The following DIABLO variants were observed in gnomAD, a reference collection of about 807,000 sequenced individuals.
DIABLO encodes diablo homolog, mitochondrial.
In DIABLO, 32 loss-of-function variants were observed where a neutral mutation model predicts 31.7. That is an observed-to-expected ratio of 1.01 (90% CI 0.76 to 1.35). DIABLO has a LOEUF of 1.35. DIABLO is among the 40% of genes most tolerant of loss of function. The pLI, the probability that DIABLO is intolerant of heterozygous loss-of-function variation, is 0.00. For synonymous variants in DIABLO, 132 were observed against 103.2 expected, an observed-to-expected ratio of 1.28 and a Z score of -1.69; for missense variants, 316 against 286.4, an observed-to-expected ratio of 1.10 and a Z score of -0.75.
intron 5 of DIABLO, among the ~76,000 whole-genome samples, chr12:122,209,493 G>A (rs1204906643): frequency 1.3e-5 from 2 of 152,072 alleles, no homozygotes; most frequent in South Asian, 2.1e-4. Flanking sequence ...GTGAAACCCC[G>A]TTTCTACTAA....
chr12:122,209,677 A>G (rs1196450083), intron 5 of DIABLO: 3 of 685,244 alleles, frequency 4.4e-6, no homozygotes, highest in Non-Finnish European at 8.0e-6. Flanking sequence ...CAAAAAAAAA[A>G]ATGAGCTCTC....
rs1388492942 is a variant in DIABLO at position 122,208,356 on chromosome 12, G to A, written c.*25C>T. ...GCCCCTGCTTTCCCCACTGAGTGGG[G>A]AGACAGGGCAGTGTGCTCAGGCCCT... is the stretch of plus-strand genomic sequence containing the variant. On this transcript the variant is annotated 3_prime_UTR_variant, in exon 6 of 6. Coordinates refer to ENST00000464942, the MANE Select transcript of DIABLO (RefSeq NM_001371333.1). The A allele has an allele frequency of 6.2e-7, 1 of 1,610,378 alleles. No individual in the cohort carries two copies. The highest frequency in any genetic ancestry group is 1.1e-5 in the South Asian group (1 of 90,984).
intron 1 of DIABLO, chr12:122,225,722 C>A: frequency 7.0e-7 from 1 of 1,422,564 alleles, no homozygotes; most frequent in Admixed American, 2.9e-5. Flanking sequence ...CCCAAGAAGG[C>A]AGCCCGGGGT....
Position 122,218,408 on chromosome 12 carries a change from C to T in DIABLO, c.184-11G>A. 1 of 1,613,974 alleles carries T rather than the reference C, an allele frequency of 6.2e-7. No homozygotes were observed. Among genetic ancestry groups the T allele is most frequent in the Non-Finnish European group, 8.5e-7 (1 of 1,179,984 alleles). ...ATGAGGCTCTGATTTCTGAAAGACACAAACATTGTCACTCAACCTCTAAAG... is the reference window on the plus strand; with the variant it reads ...ATGAGGCTCTGATTTCTGAAAGACATAAACATTGTCACTCAACCTCTAAAG... On this transcript the variant is annotated splice_polypyrimidine_tract_variant and intron_variant, in intron 2 of 5. Transcript: ENST00000464942.
rs561428677 is a variant in DIABLO, at chr12:122,219,819, C to T, written c.184-1422G>A. 4.0e-5 allele frequency among the ~76,000 whole-genome samples: 6 copies of T among 148,886 alleles called. No homozygotes were observed. The South Asian group carries it at 8.8e-4, about 22-fold the overall frequency. ...TGGAGGTTGCAGTGAGAGCCAAGATCGTGCCACTTCACTCCAGCCTGGGCG... is the reference window on the plus strand; with the variant it reads ...TGGAGGTTGCAGTGAGAGCCAAGATTGTGCCACTTCACTCCAGCCTGGGCG... On this transcript the variant is annotated intron_variant, in intron 2 of 5. Transcript: ENST00000464942.
intron 2 of DIABLO, among the ~76,000 whole-genome samples, chr12:122,220,121 T>C (rs1171993583): frequency 1.3e-5 from 2 of 151,708 alleles, no homozygotes; most frequent in African/African-American, 4.8e-5. Flanking sequence ...TTTTTTGGTA[T>C]ATTTAGTAGA....
chr12:122,226,941 T>C (rs1349031849), upstream of DIABLO, among the ~76,000 whole-genome samples: 1 of 152,216 alleles, frequency 6.6e-6, no homozygotes, highest in Non-Finnish European at 1.5e-5. Flanking sequence ...TCACTCAAGC[T>C]GCAGCCCCAG....
intron 2 of DIABLO, among the ~76,000 whole-genome samples, chr12:122,223,366 G>A (rs1292184137): frequency 1.3e-5 from 2 of 151,766 alleles, no homozygotes; most frequent in African/African-American, 2.4e-5. Flanking sequence ...CCTGGGAGGC[G>A]GAGGTTGCAG....
At chr12:122,215,519 A>ACTTGAACCC (rs1954188890) in intron 5 of DIABLO, among the ~76,000 whole-genome samples, 1 of 152,050 alleles carries the variant, frequency 6.6e-6, no homozygotes. Flanking sequence ...CAGGAGAATC[A>ACTTGAACCC]CTTGAACCCA....
At chr12:122,226,210 C>A, upstream of DIABLO, 1 of 886,156 alleles carries the variant, frequency 1.1e-6, no homozygotes, top group Non-Finnish European at 1.8e-6. Flanking sequence ...GCAAGGCAAC[C>A]AACCGCCGGA....
rs372359201 is a variant in DIABLO at position 122,209,515 on chromosome 12, AG to A, written c.524-939del. ...CCCGTTTCTACTAAAATACAAAAAA[AG>A]TAGCTGGGTGTGGCAGAGTGCACCT... On this transcript the variant is annotated intron_variant, in intron 5 of 5. Coordinates refer to ENST00000464942, the MANE Select transcript of DIABLO (RefSeq NM_001371333.1). 3.4e-3 allele frequency among the ~76,000 whole-genome samples: 518 copies of A among 152,214 alleles called. 2 individuals carry two copies. The highest frequency in any genetic ancestry group is 0.012 in the African/African-American group (487 of 41,526).
At position 122,224,634 on chromosome 12, in the gene DIABLO, ACTGT is replaced by A. The variant is rs1593183150; in HGVS notation, c.57_60del (p.Arg19SerfsTer19). ...TTAGCCACAACAGGAACACACAAACACTGTCTGTACCTGGAAGTAGAAGTCAGAT... is the reference window on the plus strand; with the variant it reads ...TTAGCCACAACAGGAACACACAAACACTGTACCTGGAAGTAGAAGTCAGAT... On this transcript the variant is annotated frameshift_variant, in exon 2 of 6. Transcript: ENST00000464942. LOFTEE classifies it high-confidence loss of function. 2 of 1,614,182 alleles carry A rather than the reference ACTGT, an allele frequency of 1.2e-6. No homozygotes were observed. Among genetic ancestry groups the A allele is most frequent in the African/African-American group, 1.3e-5 (1 of 75,036 alleles).
At position 122,208,555 on chromosome 12, in the gene DIABLO, G is replaced by C. The variant is rs149387774; in HGVS notation, c.546C>G (p.Thr182=). 6 of 1,613,534 alleles carry C rather than the reference G, an allele frequency of 3.7e-6. No individual in the cohort carries two copies. The highest frequency in any genetic ancestry group is 5.1e-6 in the Non-Finnish European group (6 of 1,180,032). The change falls in exon 6 of 6, where the codon ACC becomes ACG. Residue 182 remains threonine (T), a synonymous_variant. Transcript: ENST00000464942. ...TCACCAGCTGAATGTGATTCCTGGC[G>C]GTTATAGAGGCCTGATCTGCGCCTG... The part of the protein sequence containing the change: ...YQTGADQASI[T]ARNHIQLVKL...
At chr12:122,218,180 C>G in intron 3 of DIABLO, 86 bp downstream of exon 3, 1 of 1,492,646 alleles carries the variant, frequency 6.7e-7, no homozygotes. Flanking sequence ...AATCAAATAC[C>G]AACATGGGTA....
At chr12:122,208,674 C>T (rs1408052663) in intron 5 of DIABLO, 97 bp from the exon 6 acceptor site, 2 of 1,276,364 alleles carry the variant, frequency 1.6e-6, no homozygotes, top group East Asian at 2.5e-5. Flanking sequence ...TCATCTGAAC[C>T]CCTCTTGGGG....
At chr12:122,212,627 TTTTG>T (rs1399754523) in intron 5 of DIABLO, among the ~76,000 whole-genome samples, 1 of 122,604 alleles carries the variant, frequency 8.2e-6, no homozygotes, top group African/African-American at 3.7e-5. Flanking sequence ...ATTTATTTAT[TTTTG>T]TTTTTTTTTT....
chr12:122,214,958 GC>G (rs1045998878), intron 5 of DIABLO, among the ~76,000 whole-genome samples: 2 of 152,070 alleles, frequency 1.3e-5, no homozygotes, highest in Admixed American at 6.5e-5. Context: ...GCCCTCCTTG[GC>G]CCCCCAAAGT....
chr12:122,224,613 C>G lies in DIABLO; in HGVS notation c.82G>C (p.Ala28Pro). The G allele has an allele frequency of 6.2e-7, 1 of 1,614,096 alleles. No individual in the cohort carries two copies. The highest frequency in any genetic ancestry group is 8.5e-7 in the Non-Finnish European group (1 of 1,180,022). Residue 28 changes from alanine (A) to proline (P), a missense_variant, in exon 2 of 6, where the codon GCT (alanine) becomes CCT (proline). Ala to Pro is a conservative substitution (Grantham distance 27). Transcript: ENST00000464942. Reference sequence around the variant, plus strand: ...GAGAAACACCGCTTCTTAAAGTTAGCCACAACAGGAACACACAAACACTGT... The same window carrying G: ...GAGAAACACCGCTTCTTAAAGTTAGGCACAACAGGAACACACAAACACTGT... ...YRQCLCVPVV[A>P]NFKKRCFSEL... is the part of the protein sequence containing the mutation.
At chr12:122,211,127 C>CAGTG (rs1954079480) in intron 5 of DIABLO, among the ~76,000 whole-genome samples, 1 of 129,412 alleles carries the variant, frequency 7.7e-6, no homozygotes, top group Non-Finnish European at 1.6e-5. Context: ...CAGACGGGCA[C>CAGTG]AGTGGCTCAC....
Sources: gnomAD v4.1 joint callset for allele counts (sites outside exome capture counted in the v4.1 genomes callset) on GRCh38, gnomAD v4.1.1 for gene constraint, MANE v1.5 for transcripts, NCBI Gene and HGNC (gene_info 2026-07-23, HGNC 2026-07-21) for gene names.